Variants in FCGR3A observed in about 807,000 individuals in gnomAD.
FCGR3A encodes the protein Fc gamma receptor IIIa, also known as low affinity immunoglobulin gamma Fc region receptor III-A.
Under a neutral mutation model 24.1 loss-of-function variants are expected in FCGR3A, and 13 were observed. The ratio of observed to expected loss-of-function variants is 0.54; its 90% CI spans 0.35 to 0.86. FCGR3A has a LOEUF of 0.86. Ranked by LOEUF, FCGR3A falls within the 40% of genes least tolerant of loss-of-function variation. The pLI, the probability that FCGR3A is intolerant of heterozygous loss-of-function variation, is 0.01. For missense variants in FCGR3A, 235 were observed against 298.0 expected (o/e 0.79, Z 1.56); for synonymous variants, 93 against 112.2 (o/e 0.83, Z 1.08).
In FCGR3A at chr1:161,541,824, T is replaced by C. The variant is rs972540939; in HGVS notation, c.*1188A>G. The C allele has an allele frequency of 6.6e-6, 1 of 152,240 alleles. No individual in the cohort carries two copies. The highest frequency in any genetic ancestry group is 1.5e-5 in the Non-Finnish European group (1 of 68,010). The allele number at this position is 152,240 out of a possible 1,614,324, so 9.4% of individuals were successfully genotyped here. On this transcript the variant is annotated 3_prime_UTR_variant, in exon 5 of 5. Transcript: ENST00000443193. ...CTATCTAAGAGTAGCATGCAAGATC[T>C]TGTAAAATGCTTTATTGGAACCAAG...
rs575754605 is a variant in FCGR3A, at chr1:161,548,924, C to T, written c.61+87G>A. 6.9e-4 allele frequency: 997 copies of T among 1,434,850 alleles called. 5 individuals carry two copies. The African/African-American group carries it at 0.011, about 16-fold the overall frequency. 88.9% of individuals were successfully genotyped at this position (1,434,850 alleles called of 1,614,324 possible). A position where few individuals can be genotyped will look rare whatever the true frequency, so the allele number is the denominator to read the frequency against. On this transcript the variant is annotated intron_variant, in intron 2 of 4. Coordinates refer to ENST00000443193, the MANE Select transcript of FCGR3A (RefSeq NM_000569.8). ...TGCTAACCCCACATCAGCATTTTCC[C>T]ATTCAACAAGCATTTCCCAATATCT...
intron 1 of FCGR3A, 58 bp from the exon 2 acceptor site, chr1:161,549,089 A>G (rs12127809): frequency 0.05 from 74,269 of 1,476,900 alleles, 3,646 homozygotes; most frequent in Non-Finnish European, 0.056. Flanking sequence ...AGTGATTAGA[A>G]CATAGAGTGA....
upstream of FCGR3A, chr1:161,550,036 G>T: frequency 1.5e-6 from 1 of 648,492 alleles, no homozygotes; most frequent in Non-Finnish European, 2.6e-6. Context: ...ATCTGCCAGA[G>T]TGTGCCCTCA....
Position 161,549,561 on chromosome 1 carries a change from G to A in FCGR3A, c.40+136C>T. ...CTAGCCCCATCTTGGCTTGTCCTAG[G>A]AGCTCAATCCACAGCTATAGATGTG... On this transcript the variant is annotated intron_variant, in intron 1 of 4. Coordinates refer to ENST00000443193, the MANE Select transcript of FCGR3A (RefSeq NM_000569.8). 2.0e-6 allele frequency: 3 copies of A among 1,464,440 alleles called. No individual in the cohort carries two copies. In the South Asian group the frequency reaches 4.4e-5, roughly 21 times the overall value. 90.7% of individuals were successfully genotyped at this position (1,464,440 alleles called of 1,614,324 possible).
chr1:161,543,769 C>A (rs777296666), intron 4 of FCGR3A, among the ~76,000 whole-genome samples: 11 of 152,280 alleles, frequency 7.2e-5, no homozygotes, highest in Non-Finnish European at 1.3e-4. Flanking sequence ...ATTGTAGTGT[C>A]AAAATCTCAA....
intron 1 of FCGR3A, 79 bp from the exon 2 acceptor site, chr1:161,549,110 C>T (rs1572024061): frequency 1.6e-6 from 2 of 1,219,428 alleles, no homozygotes; most frequent in African/African-American, 1.5e-5. Context: ...GTTTAAAACT[C>T]CCCTGCCCTC....
At chr1:161,547,850 A>C (rs1462101110) in intron 3 of FCGR3A, among the ~76,000 whole-genome samples, 3 of 152,306 alleles carry the variant, frequency 2.0e-5, no homozygotes, top group Non-Finnish European at 2.9e-5. Flanking sequence ...CTGGTGAATC[A>C]CCTGAGGTCA....
Position 161,542,848 on chromosome 1 carries a change from C to T in FCGR3A, c.*164G>A, listed in dbSNP as rs538851014. 2.5e-5 allele frequency: 14 copies of T among 557,788 alleles called. No homozygotes were observed. The highest frequency in any genetic ancestry group is 5.0e-4 in the Middle Eastern group (1 of 1,990). The allele number at this position is 557,788 out of a possible 1,614,324, so 34.6% of individuals were successfully genotyped here. A position where few individuals can be genotyped will look rare whatever the true frequency, so the allele number is the denominator to read the frequency against. ...CTTGAAGATCATGGGCTTTTCCCTT[C>T]CACTGGAGACCAAGGAAAAGTCGAG... On this transcript the variant is annotated 3_prime_UTR_variant, in exon 5 of 5. Transcript: ENST00000443193.
rs748091256 is a variant in FCGR3A, at chr1:161,549,787, G to A, written c.-51C>T. On this transcript the variant is annotated 5_prime_UTR_variant, in exon 1 of 5. Coordinates refer to ENST00000443193, the MANE Select transcript of FCGR3A (RefSeq NM_000569.8). The stretch of plus-strand genomic sequence containing the variant: ...ACCAAAGATATCCGGAGCCCTAAAG[G>A]GACCAAACCGACTAGACAGGAGGAA... 1 of 1,613,764 alleles carries A rather than the reference G, an allele frequency of 6.2e-7. No homozygotes were observed. The highest frequency in any genetic ancestry group is 1.3e-5 in the African/African-American group (1 of 74,910).
chr1:161,547,066 G>C (rs760049074), intron 3 of FCGR3A, among the ~76,000 whole-genome samples: 1 of 152,086 alleles, frequency 6.6e-6, no homozygotes. Flanking sequence ...ATATAGCCTT[G>C]ATTGGCTAGA....
At chr1:161,545,966 A>G (rs1038658897) in intron 3 of FCGR3A, among the ~76,000 whole-genome samples, 6 of 152,142 alleles carry the variant, frequency 3.9e-5, no homozygotes, top group African/African-American at 1.2e-4. Context: ...ACTGAAGGAC[A>G]TTTTAAATTT....
At position 161,549,785 on chromosome 1, in the gene FCGR3A, A is replaced by G; in HGVS notation, c.-49T>C. On this transcript the variant is annotated 5_prime_UTR_variant, in exon 1 of 5. Coordinates refer to ENST00000443193, the MANE Select transcript of FCGR3A (RefSeq NM_000569.8). ...TCACCAAAGATATCCGGAGCCCTAAAGGGACCAAACCGACTAGACAGGAGG... is the reference window on the plus strand; with the variant it reads ...TCACCAAAGATATCCGGAGCCCTAAGGGGACCAAACCGACTAGACAGGAGG... The G allele has an allele frequency of 6.2e-7, 1 of 1,613,916 alleles. No individual in the cohort carries two copies. The highest frequency in any genetic ancestry group is 1.1e-5 in the South Asian group (1 of 91,048).
intron 3 of FCGR3A, among the ~76,000 whole-genome samples, chr1:161,547,854 G>A (rs1211525963): frequency 6.6e-6 from 1 of 152,302 alleles, no homozygotes; most frequent in African/African-American, 2.4e-5. Context: ...TGAATCACCT[G>A]AGGTCAGGAG....
At position 161,543,082 on chromosome 1, in the gene FCGR3A, T is replaced by G. The variant is rs1677204179; in HGVS notation, c.695A>C (p.Asn232Thr). The change falls in exon 5 of 5, where the codon AAC becomes ACC. Residue 232 changes from asparagine (N) to threonine (T), a missense_variant. By Grantham distance (65) the Asn-to-Thr change is moderately conservative. Coordinates refer to ENST00000443193, the MANE Select transcript of FCGR3A (RefSeq NM_000569.8). Reference sequence around the variant, plus strand: ...CCAGTCTCTTGTTGAGCTTCGAATGTTTGTCTTCACAGAGAAATATAGTCC... The same window carrying G: ...CCAGTCTCTTGTTGAGCTTCGAATGGTTGTCTTCACAGAGAAATATAGTCC... ...DTGLYFSVKT[N>T]IRSSTRDWKD... 1 of 1,613,316 alleles carries G rather than the reference T, an allele frequency of 6.2e-7. No homozygotes were observed. The highest frequency in any genetic ancestry group is 8.5e-7 in the Non-Finnish European group (1 of 1,179,648).
chr1:161,549,261 C>A (rs905360021), intron 1 of FCGR3A, among the ~76,000 whole-genome samples: 1 of 151,556 alleles, frequency 6.6e-6, no homozygotes. Context: ...CTCCCTTACC[C>A]CTTGCTCCCT....
At chr1:161,546,686 A>G (rs1019430754) in intron 3 of FCGR3A, among the ~76,000 whole-genome samples, 7 of 151,988 alleles carry the variant, frequency 4.6e-5, no homozygotes, top group African/African-American at 1.5e-4. Flanking sequence ...TGGGCAGATC[A>G]TGAAGTCAGG....
rs749893099 is a variant in FCGR3A at position 161,544,763 on chromosome 1, C to T, written c.515G>A (p.Cys172Tyr). The T allele has an allele frequency of 6.2e-7, 1 of 1,613,268 alleles. No homozygotes were observed. The highest frequency in any genetic ancestry group is 8.5e-7 in the Non-Finnish European group (1 of 1,179,372). ...ATTTTTACTCCCAAAAAGCCCCCTG[C>T]AGAAGTAGGAGCCGCTGTCTTTGAG... ...ATLKDSGSYF[C>Y]RGLFGSKNVS... Residue 172 changes from cysteine (C) to tyrosine (Y), a missense_variant, in exon 4 of 5, where the codon TGC (cysteine) becomes TAC (tyrosine). Physicochemically the swap from Cys to Tyr is radical, Grantham distance 194. Coordinates refer to ENST00000443193, the MANE Select transcript of FCGR3A (RefSeq NM_000569.8).
intron 4 of FCGR3A, among the ~76,000 whole-genome samples, chr1:161,544,370 G>A (rs1215480752): frequency 6.6e-6 from 1 of 151,896 alleles, no homozygotes; most frequent in Admixed American, 6.6e-5. Context: ...AAGGAGGCCA[G>A]CACGATAGGA....
intron 2 of FCGR3A, 31 bp downstream of exon 2, chr1:161,548,980 G>T: frequency 6.9e-6 from 11 of 1,597,656 alleles, no homozygotes; most frequent in African/African-American, 1.3e-5. Context: ...GTGCCCCACT[G>T]GGTCAATCCA....
Sources: gnomAD v4.1 joint callset for allele counts (sites outside exome capture counted in the v4.1 genomes callset) on GRCh38, gnomAD v4.1.1 for gene constraint, MANE v1.5 for transcripts, NCBI Gene and HGNC (gene_info 2026-07-23, HGNC 2026-07-21) for gene names.